The following GCC2 variants were observed in gnomAD, a reference collection of about 807,000 sequenced individuals.
The protein encoded by GCC2 is GRIP and coiled-coil domain containing 2.
GCC2 carries 120 observed loss-of-function variants against 210.6 expected under a neutral mutation model. The ratio of observed to expected loss-of-function variants is 0.57; its 90% confidence interval spans 0.49 to 0.66. GCC2 has a LOEUF of 0.66. Among genes scored for constraint, GCC2 ranks in the 30% least tolerant of loss-of-function variants. The probability of loss-of-function intolerance (pLI) is 0.00; values close to 1 mark genes in which losing one functional copy is unlikely to be tolerated. For missense variants in GCC2, 1,868 were observed against 1,871.9 expected (o/e 1.00, Z 0.04); for synonymous variants, 703 against 652.7 (o/e 1.08, Z -1.17).
intron 4 of GCC2, among the ~76,000 whole-genome samples, chr2:108,459,745 CTTTTT>C (rs34052393): frequency 1.9e-3 from 51 of 26,762 alleles, no homozygotes; most frequent in East Asian, 3.3e-3. Flanking sequence ...CCTTCTTTGT[CTTTTT>C]TTTTTTTTTT....
In GCC2 at chr2:108,470,236, A is replaced by C; in HGVS notation, c.907A>C (p.Arg303=). The change falls in exon 6 of 23, where the codon AGG becomes CGG. Residue 303 remains arginine (R), a synonymous_variant. Transcript: ENST00000309863. ...ATATGAATGTGAGTTAGAAAATTTAAGGAAAGCCACCTCAAATGCAAACCA... is the reference window on the plus strand; with the variant it reads ...ATATGAATGTGAGTTAGAAAATTTACGGAAAGCCACCTCAAATGCAAACCA... ...KKYECELENL[R]KATSNANQDN... 1 of 1,613,564 alleles carries C rather than the reference A, an allele frequency of 6.2e-7. No homozygotes were observed. Among genetic ancestry groups the C allele is most frequent in the South Asian group, 1.1e-5 (1 of 90,966 alleles).
At chr2:108,488,333 A>G (rs1456379674) in intron 17 of GCC2, among the ~76,000 whole-genome samples, 1 of 152,210 alleles carries the variant, frequency 6.6e-6, no homozygotes, top group Non-Finnish European at 1.5e-5. Flanking sequence ...CACTGTTGCA[A>G]CCTCTAAAAT....
At chr2:108,497,508 T>C (rs550765086) in intron 21 of GCC2, among the ~76,000 whole-genome samples, 1 of 152,212 alleles carries the variant, frequency 6.6e-6, no homozygotes, top group Non-Finnish European at 1.5e-5. Flanking sequence ...TAGAGAGATG[T>C]TCACAAATCA....
chr2:108,489,093 G>A (rs913750015), intron 17 of GCC2, among the ~76,000 whole-genome samples: 2 of 152,126 alleles, frequency 1.3e-5, no homozygotes, highest in African/African-American at 4.8e-5. Flanking sequence ...TACTCATTGT[G>A]GCAGAATCAG....
intron 4 of GCC2, among the ~76,000 whole-genome samples, chr2:108,459,048 T>C (rs1438689464): frequency 2.0e-5 from 3 of 152,222 alleles, no homozygotes; most frequent in Non-Finnish European, 4.4e-5. Flanking sequence ...TGTAGGCGTT[T>C]ATTGCCATAA....
chr2:108,455,811 C>T (rs2104411681), intron 4 of GCC2, among the ~76,000 whole-genome samples: 1 of 152,302 alleles, frequency 6.6e-6, no homozygotes, highest in East Asian at 1.9e-4. Flanking sequence ...TTTATCCATT[C>T]ATCCTTTGAT....
intron 21 of GCC2, among the ~76,000 whole-genome samples, chr2:108,498,255 G>T (rs1235247721): frequency 8.1e-6 from 1 of 123,218 alleles, no homozygotes; most frequent in African/African-American, 3.2e-5. Context: ...GAGTGCAGTG[G>T]TGCAATCTCA....
chr2:108,494,392 A>T (rs2378144), intron 19 of GCC2: 2 of 152,112 alleles, frequency 1.3e-5, no homozygotes, highest in African/African-American at 4.8e-5. Flanking sequence ...AAAAAACACT[A>T]TACAGTTTAT....
chr2:108,491,408 G>GA (rs1682400094), intron 18 of GCC2, among the ~76,000 whole-genome samples: 1 of 151,976 alleles, frequency 6.6e-6, no homozygotes, highest in Non-Finnish European at 1.5e-5. Flanking sequence ...GATATTGTTT[G>GA]AAAAAAATGC....
intron 4 of GCC2, among the ~76,000 whole-genome samples, chr2:108,463,071 G>A (rs745848130): frequency 2.0e-4 from 30 of 151,490 alleles, no homozygotes; most frequent in Non-Finnish European, 3.5e-4. Context: ...TCTATTCTCT[G>A]GTAAATTTGT....
chr2:108,456,074 T>A (rs1367246073), intron 4 of GCC2, among the ~76,000 whole-genome samples: 1 of 152,214 alleles, frequency 6.6e-6, no homozygotes, highest in Non-Finnish European at 1.5e-5. Context: ...AAGCTCTGCC[T>A]TCCAGGTTCA....
rs766845732 is a variant in GCC2, at chr2:108,496,963, G to C, written c.4643-7G>C. Reference sequence around the variant, plus strand: ...TGAAAATTAATTCTTGGAACAACATGTTGCAGAGCCTCCATTATGGCATGC... The same window carrying C: ...TGAAAATTAATTCTTGGAACAACATCTTGCAGAGCCTCCATTATGGCATGC... On this transcript the variant is annotated splice_polypyrimidine_tract_variant and splice_region_variant and intron_variant, in intron 20 of 22. Coordinates refer to ENST00000309863, the MANE Select transcript of GCC2 (RefSeq NM_181453.4). 6 of 1,611,922 alleles carry C rather than the reference G, an allele frequency of 3.7e-6. No homozygotes were observed. The East Asian group carries it at 6.7e-5, about 18-fold the overall frequency.
In GCC2 at chr2:108,497,022, C is replaced by G. The variant is rs1319778247; in HGVS notation, c.4695C>G (p.Leu1565=). 6.2e-7 allele frequency: 1 copy of G among 1,612,022 alleles called. No individual in the cohort carries two copies. Among genetic ancestry groups the G allele is most frequent in the Admixed American group, 1.7e-5 (1 of 60,020 alleles). Reference sequence around the variant, plus strand: ...CCAAAGAAGAATTGGTTCAGAAGCTCAGTTCCACCACAAAAAGTGCAGATC... The same window carrying G: ...CCAAAGAAGAATTGGTTCAGAAGCTGAGTTCCACCACAAAAAGTGCAGATC... ...EFTKEELVQK[L]SSTTKSADHL... Residue 1565 remains leucine (L), a synonymous_variant, in exon 21 of 23, where the codon CTC becomes CTG. Coordinates refer to ENST00000309863, the MANE Select transcript of GCC2 (RefSeq NM_181453.4).
chr2:108,470,657 C>T lies in GCC2; in HGVS notation c.1328C>T (p.Thr443Ile), dbSNP rs1211043257. ...AAAGAAATATCAGAACTAAATGAGA[C>T]ATTTTTGTCAGATTCAGAAAAAGAA... is the stretch of plus-strand genomic sequence containing the variant. Reference protein sequence around the residue: ...HQKEISELNETFLSDSEKEKL... With the variant: ...HQKEISELNEIFLSDSEKEKL... The change falls in exon 6 of 23, where the codon ACA (threonine) becomes ATA (isoleucine). Residue 443 changes from threonine (T) to isoleucine (I), a missense_variant. Thr to Ile is a moderately conservative substitution (Grantham distance 89). Around this residue, in one of 3 missense-constraint regions of GCC2, gnomAD observed 1,847 missense variants for 1,765.2 expected, o/e 1.05. Transcript: ENST00000309863. 6.2e-7 allele frequency: 1 copy of T among 1,611,416 alleles called. No individual in the cohort carries two copies. Among genetic ancestry groups the T allele is most frequent in the Admixed American group, 1.7e-5 (1 of 59,782 alleles).
At chr2:108,459,410 T>C (rs575693660) in intron 4 of GCC2, among the ~76,000 whole-genome samples, 1 of 152,358 alleles carries the variant, frequency 6.6e-6, no homozygotes, top group Non-Finnish European at 1.5e-5. Flanking sequence ...TATGGTCTTT[T>C]CTGAAGAATG....
Position 108,497,055 on chromosome 2 carries a change from C to T in GCC2, c.4728C>T (p.Asn1576=), listed in dbSNP as rs144495063. ...SSTTKSADHL[N]GLLRETEATN... is the part of the protein sequence containing the mutation. ...CCACAAAAAGTGCAGATCACTTAAA[C>T]GGCCTGCTTCGGGAAACAGAAGCAA... Residue 1576 remains asparagine, a synonymous_variant, in exon 21 of 23, where the codon AAC becomes AAT. Coordinates refer to ENST00000309863, the MANE Select transcript of GCC2 (RefSeq NM_181453.4). 214 of 1,611,870 alleles carry T rather than the reference C, an allele frequency of 1.3e-4. No homozygotes were observed. Among genetic ancestry groups the T allele is most frequent in the East Asian group, 8.9e-5 (4 of 44,898 alleles).
intron 7 of GCC2, among the ~76,000 whole-genome samples, chr2:108,474,261 T>C (rs1179006339): frequency 6.6e-6 from 1 of 151,982 alleles, no homozygotes; most frequent in East Asian, 1.9e-4. Context: ...ATAGAGAAGA[T>C]AGAGACAACA....
At chr2:108,507,414 CCCA>C in intron 22 of GCC2, 143 bp from the exon 23 acceptor site, 1 of 375,126 alleles carries the variant, frequency 2.7e-6, no homozygotes, top group African/African-American at 2.2e-5. Flanking sequence ...AACCCCCCCC[CCCA>C]AAAAAAAGGC....
Position 108,505,160 on chromosome 2 carries a change from A to C in GCC2, c.4985-2400A>C, listed in dbSNP as rs558625216. On this transcript the variant is annotated intron_variant, in intron 22 of 22. Transcript: ENST00000309863. ...CTGCCAGATCTGAGAACACAGCAAAATTTTTGTCAAAAATCTTATATTCAG... is the reference window on the plus strand; with the variant it reads ...CTGCCAGATCTGAGAACACAGCAAACTTTTTGTCAAAAATCTTATATTCAG... Among the ~76,000 whole-genome samples the C allele has an allele frequency of 1.1e-3, 166 of 152,320 alleles. 3 individuals carry two copies. Among genetic ancestry groups the C allele is most frequent in the African/African-American group, 3.9e-3 (163 of 41,570 alleles).
Sources: allele counts gnomAD v4.1 joint callset (sites outside exome capture counted in the v4.1 genomes callset), GRCh38; gene constraint gnomAD v4.1.1; regional missense constraint gnomAD v4.1.1; transcripts MANE v1.5; gene names NCBI Gene and HGNC (gene_info 2026-07-23, HGNC 2026-07-21).